TRPC5: variants seen among roughly 807,000 people sequenced by gnomAD.
TRPC5 encodes short transient receptor potential channel 5.
In TRPC5, 9 loss-of-function variants were observed where a neutral mutation model predicts 56.5. The observed-to-expected ratio is 0.16, with a 90% CI of 0.10 to 0.28. The LOEUF (loss-of-function observed/expected upper bound fraction) is 0.28. Ranked by LOEUF, TRPC5 falls within the 10% of genes least tolerant of loss-of-function variation. The pLI is 1.00. For missense variants in TRPC5, 469 were observed against 748.9 expected (o/e 0.63, Z 4.36); for synonymous variants, 282 against 278.5 (o/e 1.01, Z -0.13).
intron 2 of TRPC5, among the ~76,000 whole-genome samples, chrX:111,915,570 C>A (rs1179015941): frequency 1.8e-5 from 2 of 111,955 alleles, no homozygotes; most frequent in African/African-American, 6.5e-5. Context: ...TCTCTTGCTG[C>A]CCGCTCAAAT....
At chrX:111,898,090 C>T (rs758601763) in intron 3 of TRPC5, among the ~76,000 whole-genome samples, 10 of 109,271 alleles carry the variant, frequency 9.2e-5, no homozygotes, top group Admixed American at 2.9e-4. Flanking sequence ...GAGTATATTG[C>T]GGTATCTTAG....
intron 3 of TRPC5, 108 bp downstream of exon 3, chrX:111,912,183 A>G: frequency 1.1e-6 from 1 of 950,791 alleles, no homozygotes; most frequent in Non-Finnish European, 1.4e-6. Context: ...CTGCCCAACC[A>G]TTTGTTTGTT....
At chrX:111,923,809 G>A (rs1179891707) in intron 2 of TRPC5, among the ~76,000 whole-genome samples, 1 of 111,397 alleles carries the variant, frequency 9.0e-6, no homozygotes, top group Non-Finnish European at 1.9e-5. Flanking sequence ...ATTGAGATGG[G>A]AAAAATGTAA....
chrX:111,862,364 C>T (rs896807308), intron 3 of TRPC5, among the ~76,000 whole-genome samples: 3 of 111,702 alleles, frequency 2.7e-5, no homozygotes, highest in Admixed American at 9.5e-5. Context: ...TAAATTGAAA[C>T]AGACTCTTGG....
At chrX:111,885,071 A>G (rs1924412397) in intron 3 of TRPC5, among the ~76,000 whole-genome samples, 1 of 112,990 alleles carries the variant, frequency 8.9e-6, no homozygotes, top group Non-Finnish European at 1.9e-5. Context: ...GCCTTGTTAA[A>G]GCCTAGTCAA....
intron 2 of TRPC5, among the ~76,000 whole-genome samples, chrX:111,938,865 T>C (rs151254960): frequency 2.4e-4 from 27 of 112,322 alleles, no homozygotes; most frequent in African/African-American, 8.4e-4. Flanking sequence ...TAAGGATAAT[T>C]TGACTTCTTT....
At chrX:111,917,864 T>C (rs912172947) in intron 2 of TRPC5, among the ~76,000 whole-genome samples, 15 of 112,797 alleles carry the variant, frequency 1.3e-4, no homozygotes, top group Non-Finnish European at 2.4e-4. Flanking sequence ...GCTTTTGCAA[T>C]GGGACATTCT....
chrX:111,925,940 C>T (rs1023951887), intron 2 of TRPC5, among the ~76,000 whole-genome samples: 1 of 111,398 alleles, frequency 9.0e-6, no homozygotes, highest in African/African-American at 3.3e-5. Context: ...GGGACTGTTC[C>T]GTGCACGGTA....
intron 3 of TRPC5, among the ~76,000 whole-genome samples, chrX:111,862,522 C>T (rs1252599245): frequency 8.9e-6 from 1 of 112,080 alleles, no homozygotes; most frequent in Non-Finnish European, 1.9e-5. Context: ...GAAATCATTG[C>T]CCAATCCAAG....
chrX:111,828,522 C>T (rs1033874656), intron 7 of TRPC5, among the ~76,000 whole-genome samples: 1 of 111,627 alleles, frequency 9.0e-6, no homozygotes, highest in Non-Finnish European at 1.9e-5. Context: ...TATAAATTAC[C>T]CAGTCTTGGG....
intron 7 of TRPC5, among the ~76,000 whole-genome samples, chrX:111,805,358 G>T (rs1272477727): frequency 2.7e-5 from 3 of 111,198 alleles, no homozygotes; most frequent in Non-Finnish European, 5.7e-5. Context: ...ATATGATGTT[G>T]GCCTCATAAA....
chrX:111,964,895 G>A (rs931975411), intron 1 of TRPC5, among the ~76,000 whole-genome samples: 2 of 111,782 alleles, frequency 1.8e-5, no homozygotes, highest in Admixed American at 9.5e-5. Flanking sequence ...GACCATCAAG[G>A]CTAGGAAGAA....
rs770681245 is a variant in TRPC5 at position 111,993,093 on chromosome X, G to T, written c.-21-40652C>A. Among the ~76,000 whole-genome samples, 554 of 91,718 alleles carry T rather than the reference G, an allele frequency of 6.0e-3. 5 individuals are homozygous for T. The highest frequency in any genetic ancestry group is 0.023 in the African/African-American group (537 of 23,652). The allele number at this position is 91,718 out of a possible 115,157, so 79.6% of individuals were successfully genotyped here. A position where few individuals can be genotyped will look rare whatever the true frequency, so the allele number is the denominator to read the frequency against. ...CAGGCCCCGGCGTGTGATGTTCCAT[G>T]CCCTGTGTCCAAGTGATCTCATTGT... On this transcript the variant is annotated intron_variant, in intron 1 of 10. Coordinates refer to ENST00000262839, the MANE Select transcript of TRPC5 (RefSeq NM_012471.3).
chrX:111,958,711 T>G (rs756444136), intron 1 of TRPC5, among the ~76,000 whole-genome samples: 1 of 111,858 alleles, frequency 8.9e-6, no homozygotes, highest in South Asian at 3.8e-4. Context: ...ATCCGAGAAA[T>G]TCAAAGACCT....
At chrX:111,983,979 A>G (rs916691462) in intron 1 of TRPC5, among the ~76,000 whole-genome samples, 16 of 111,435 alleles carry the variant, frequency 1.4e-4, no homozygotes, top group African/African-American at 4.9e-4. Flanking sequence ...CTTATCACGT[A>G]TATATCACTT....
chrX:111,791,204 G>T (rs1946018617), intron 7 of TRPC5, among the ~76,000 whole-genome samples: 1 of 109,345 alleles, frequency 9.1e-6, no homozygotes, highest in South Asian at 4.0e-4. Flanking sequence ...TCCTCCACAG[G>T]TCCCAAGAGC....
At chrX:111,840,187 A>G (rs1431714048) in intron 6 of TRPC5, among the ~76,000 whole-genome samples, 1 of 111,773 alleles carries the variant, frequency 8.9e-6, no homozygotes, top group Admixed American at 9.5e-5. Flanking sequence ...AACAAAAACA[A>G]AAACAAAAGA....
chrX:112,044,230 G>T (rs1015920292), intron 1 of TRPC5, among the ~76,000 whole-genome samples: 1 of 111,804 alleles, frequency 8.9e-6, no homozygotes. Flanking sequence ...CATGAAAAGT[G>T]CCTGAAGGGT....
At chrX:111,980,356 C>A (rs1386682082) in intron 1 of TRPC5, among the ~76,000 whole-genome samples, 1 of 111,100 alleles carries the variant, frequency 9.0e-6, no homozygotes, top group Non-Finnish European at 1.9e-5. Context: ...CAGGAGGAAA[C>A]TTTTGAGTGT....
Sources: allele counts gnomAD v4.1 joint callset (sites outside exome capture counted in the v4.1 genomes callset), GRCh38; gene constraint gnomAD v4.1.1; transcripts MANE v1.5; gene names NCBI Gene and HGNC (gene_info 2026-07-23, HGNC 2026-07-21).